The following MROH1 variants were observed in gnomAD, a reference collection of about 807,000 sequenced individuals.
The protein encoded by MROH1 is maestro heat-like repeat-containing protein family member 1.
A neutral mutation model predicts 116.5 loss-of-function variants in MROH1; 117 were observed. The ratio of observed to expected loss-of-function variants is 1.00; its 90% CI spans 0.86 to 1.17. The LOEUF (loss-of-function observed/expected upper bound fraction) is 1.17, where lower values mean the gene tolerates loss of function less well. Ranked by LOEUF, MROH1 falls within the 50% of genes most tolerant of loss-of-function variation. The probability of loss-of-function intolerance (pLI) is 0.00; values close to 1 mark genes in which losing one functional copy is unlikely to be tolerated. For synonymous variants in MROH1, 921 were observed against 583.9 expected (o/e 1.58, Z -8.32); for missense variants, 1,873 against 1,338.5 (o/e 1.40, Z -6.23).
chr8:144,181,196 G>T (rs1172628325), intron 7 of MROH1, among the ~76,000 whole-genome samples: 2 of 149,958 alleles, frequency 1.3e-5, no homozygotes, highest in South Asian at 4.1e-4. Flanking sequence ...GGACCCTCGT[G>T]CCCAGGGGAC....
chr8:144,236,422 A>G (rs1292649937), intron 14 of MROH1, among the ~76,000 whole-genome samples: 1 of 152,152 alleles, frequency 6.6e-6, no homozygotes, highest in Non-Finnish European at 1.5e-5. Context: ...GGGATTAAGT[A>G]AACATCTTCT....
chr8:144,213,246 C>A, intron 12 of MROH1: 1 of 619,654 alleles, frequency 1.6e-6, no homozygotes. Flanking sequence ...CTCTTGTTGT[C>A]CAAAGCTCTT....
chr8:144,217,504 A>AT (rs1368510916), intron 12 of MROH1, among the ~76,000 whole-genome samples: 1 of 152,240 alleles, frequency 6.6e-6, no homozygotes, highest in African/African-American at 2.4e-5. Context: ...TGCTCAATCT[A>AT]TCCAGGCTGA....
At position 144,225,923 on chromosome 8, in the gene MROH1, T is replaced by TG. The variant is rs1264394701; in HGVS notation, c.1338+2693_1338+2694insG. Among the ~76,000 whole-genome samples the TG allele has an allele frequency of 2.1e-3, 299 of 144,836 alleles. 2 individuals carry two copies. Among genetic ancestry groups the TG allele is most frequent in the African/African-American group, 7.1e-3 (279 of 39,226 alleles). On this transcript the variant is annotated intron_variant, in intron 14 of 43. Coordinates refer to ENST00000326134, the MANE Select transcript of MROH1 (RefSeq NM_032450.3). ...GATTCATTTTTAGTTTTTTTTTTTT[T>TG]TTTTTTTTTTAGGTGGCGTCTCACC...
intron 1 of MROH1, among the ~76,000 whole-genome samples, chr8:144,153,152 G>A (rs1043039478): frequency 4.0e-5 from 6 of 151,718 alleles, no homozygotes; most frequent in South Asian, 4.2e-4. Flanking sequence ...TTTACTTTAC[G>A]TAATGTCCTT....
chr8:144,256,585 G>A (rs1482983700), intron 35 of MROH1, among the ~76,000 whole-genome samples: 3 of 152,358 alleles, frequency 2.0e-5, no homozygotes, highest in East Asian at 3.9e-4. Flanking sequence ...GCAGCCACCA[G>A]CCCCTGGGCC....
intron 10 of MROH1, among the ~76,000 whole-genome samples, chr8:144,193,471 C>T (rs1270378928): frequency 6.6e-6 from 1 of 152,140 alleles, no homozygotes; most frequent in African/African-American, 2.4e-5. Context: ...TCTGTGAGGC[C>T]TTGGTCAAAT....
intron 3 of MROH1, among the ~76,000 whole-genome samples, chr8:144,165,244 G>A (rs1820518425): frequency 1.3e-5 from 2 of 151,626 alleles, no homozygotes; most frequent in African/African-American, 4.8e-5. Flanking sequence ...TCAGCCTCCA[G>A]AGCAGCTGGG....
chr8:144,217,782 C>A (rs1296435238), intron 12 of MROH1, among the ~76,000 whole-genome samples: 1 of 152,122 alleles, frequency 6.6e-6, no homozygotes, highest in African/African-American at 2.4e-5. Flanking sequence ...TTTTGTGAGA[C>A]CAGACCTTAT....
At chr8:144,194,975 T>C (rs938972990) in intron 10 of MROH1, among the ~76,000 whole-genome samples, 1 of 151,364 alleles carries the variant, frequency 6.6e-6, no homozygotes, top group East Asian at 1.9e-4. Flanking sequence ...CAAGAACATT[T>C]TTCTACACCA....
chr8:144,163,870 G>A lies in MROH1; in HGVS notation c.22+22G>A. 6.2e-7 allele frequency: 1 copy of A among 1,613,446 alleles called. No individual in the cohort carries two copies. The highest frequency in any genetic ancestry group is 8.5e-7 in the Non-Finnish European group (1 of 1,179,620). ...AAGAGTGAGTGCATGGGGATTGGGA[G>A]TGGCCGGGTGTGAGGCCTCTCTTGC... On this transcript the variant is annotated intron_variant, in intron 3 of 43. Coordinates refer to ENST00000326134, the MANE Select transcript of MROH1 (RefSeq NM_032450.3). This position sits in a 1 kb window ranked among gnomAD's most constrained non-coding sequence, Gnocchi z 4.4.
chr8:144,200,291 G>A (rs551975935), intron 11 of MROH1, 137 bp from the exon 12 acceptor site: 9 of 666,104 alleles, frequency 1.4e-5, no homozygotes, highest in East Asian at 1.1e-4. Context: ...CAGGCCCAGC[G>A]ATTAGGTGAC....
chr8:144,260,423 C>A, intron 39 of MROH1, 49 bp downstream of exon 39: 1 of 701,846 alleles, frequency 1.4e-6, no homozygotes. Flanking sequence ...GCCCTTCCTG[C>A]CTCTTACTCT....
At position 144,261,059 on chromosome 8, in the gene MROH1, G is replaced by T; in HGVS notation, c.4671+18G>T. 1 of 770,470 alleles carries T rather than the reference G, an allele frequency of 1.3e-6. No individual in the cohort carries two copies. Among genetic ancestry groups the T allele is most frequent in the Middle Eastern group, 3.4e-4 (1 of 2,968 alleles). The allele number at this position is 770,470 out of a possible 1,614,324, so 47.7% of individuals were successfully genotyped here. On this transcript the variant is annotated intron_variant, in intron 41 of 43. Coordinates refer to ENST00000326134, the MANE Select transcript of MROH1 (RefSeq NM_032450.3). ...AGCACCTGGTGAGGGGTGGGGCCAG[G>T]CGGGGCGTGGTGGGTGGGGCGGGGC... is the stretch of plus-strand genomic sequence containing the variant.
At chr8:144,258,242 G>C (rs1198931453) in intron 35 of MROH1, among the ~76,000 whole-genome samples, 5 of 152,316 alleles carry the variant, frequency 3.3e-5, no homozygotes, top group Admixed American at 2.6e-4. Flanking sequence ...CACGCCCAGG[G>C]CGCCTGCTCT....
chr8:144,244,065 C>A, intron 26 of MROH1, 123 bp downstream of exon 26: 1 of 709,900 alleles, frequency 1.4e-6, no homozygotes. Flanking sequence ...TGCGTGTGTG[C>A]ACGCCTTGTG....
intron 7 of MROH1, among the ~76,000 whole-genome samples, chr8:144,189,212 G>A (rs1455643302): frequency 6.6e-6 from 1 of 152,182 alleles, no homozygotes; most frequent in African/African-American, 2.4e-5. Flanking sequence ...GGTCCCAGCA[G>A]CACCCCCTTG....
chr8:144,159,550 C>G (rs1228326059), intron 1 of MROH1, among the ~76,000 whole-genome samples: 9 of 152,142 alleles, frequency 5.9e-5, no homozygotes, highest in African/African-American at 2.2e-4. Flanking sequence ...GTAACTAATG[C>G]CAGCCATGTT....
At chr8:144,234,475 T>C (rs183118163) in intron 14 of MROH1, among the ~76,000 whole-genome samples, 161 of 148,044 alleles carry the variant, frequency 1.1e-3, no homozygotes, top group African/African-American at 3.7e-3. Context: ...CTATTGTAAA[T>C]GGAATTATTT....
Sources: gnomAD v4.1 joint callset for allele counts (sites outside exome capture counted in the v4.1 genomes callset) on GRCh38, gnomAD v4.1.1 for gene constraint, Gnocchi (gnomAD v3.1) non-coding constraint, MANE v1.5 for transcripts, NCBI Gene and HGNC (gene_info 2026-07-23, HGNC 2026-07-21) for gene names.